CATSPERD: variants seen among roughly 807,000 people sequenced by gnomAD.
CATSPERD encodes cation channel sperm-associated auxiliary subunit delta.
A neutral mutation model predicts 98.1 loss-of-function variants in CATSPERD; 86 were observed. That is an observed-to-expected ratio of 0.88 (90% confidence interval 0.74 to 1.05). CATSPERD has a LOEUF of 1.05. Among genes scored for constraint, CATSPERD ranks in the 50% least tolerant of loss-of-function variants. CATSPERD has a pLI of 0.00. For missense variants in CATSPERD, 995 were observed against 1,005.7 expected, an observed-to-expected ratio of 0.99 and a Z score of 0.14; for synonymous variants, 394 against 390.2, an observed-to-expected ratio of 1.01 and a Z score of -0.12.
At chr19:5,742,165 T>C (rs995284554) in intron 7 of CATSPERD, among the ~76,000 whole-genome samples, 11 of 142,930 alleles carry the variant, frequency 7.7e-5, no homozygotes, top group African/African-American at 2.3e-4. Context: ...AACGTGTGTG[T>C]GCGTGTGTGT....
Position 5,734,945 on chromosome 19 carries a change from G to A in CATSPERD, c.391+975G>A, listed in dbSNP as rs1234660537. On this transcript the variant is annotated intron_variant, in intron 5 of 21. Coordinates refer to ENST00000381624, the MANE Select transcript of CATSPERD (RefSeq NM_152784.4). ...ATTGTCCCTCCCACACACTTCTCAC[G>A]AGGGCTAGGGGACGGTAGAGAAGGT... Among the ~76,000 whole-genome samples, 9 of 152,056 alleles carry A rather than the reference G, an allele frequency of 5.9e-5. 1 individual carries two copies. Among genetic ancestry groups the A allele is most frequent in the Admixed American group, 5.9e-4 (9 of 15,220 alleles).
chr19:5,765,279 T>C (rs901281211), intron 16 of CATSPERD, among the ~76,000 whole-genome samples: 12 of 152,148 alleles, frequency 7.9e-5, no homozygotes, highest in African/African-American at 2.7e-4. Flanking sequence ...TTAGACTCCA[T>C]TGTATAACTC....
intron 4 of CATSPERD, among the ~76,000 whole-genome samples, chr19:5,731,827 G>A (rs977365823): frequency 3.3e-5 from 5 of 150,322 alleles, no homozygotes; most frequent in Non-Finnish European, 5.9e-5. Flanking sequence ...CACCCGCCTC[G>A]GCCTCCCAAA....
chr19:5,758,745 A>C (rs1174482065), intron 14 of CATSPERD, among the ~76,000 whole-genome samples: 1 of 151,052 alleles, frequency 6.6e-6, no homozygotes, highest in Non-Finnish European at 1.5e-5. Flanking sequence ...TCAGTCTTAA[A>C]AAAAAAAGAG....
At chr19:5,759,866 AGGAGTT>A (rs1294490683) in intron 15 of CATSPERD, among the ~76,000 whole-genome samples, 4 of 151,940 alleles carry the variant, frequency 2.6e-5, no homozygotes, top group Non-Finnish European at 5.9e-5. Context: ...ACCTGAGGTC[AGGAGTT>A]CGAGACCAGC....
intron 21 of CATSPERD, 128 bp from the exon 22 acceptor site, chr19:5,778,248 T>G (rs1599607982): frequency 1.4e-6 from 1 of 703,440 alleles, no homozygotes. Flanking sequence ...GAAACAGAAG[T>G]GGGTATACCC....
At chr19:5,776,419 C>G in intron 21 of CATSPERD, 104 bp downstream of exon 21, 1 of 1,313,122 alleles carries the variant, frequency 7.6e-7, no homozygotes, top group Non-Finnish European at 1.1e-6. Flanking sequence ...CTGAATTCCC[C>G]CAACAGCCCA....
At chr19:5,748,136 T>C (rs2056130876) in intron 9 of CATSPERD, 24 bp from the exon 10 acceptor site, 2 of 1,598,612 alleles carry the variant, frequency 1.3e-6, no homozygotes, top group African/African-American at 2.7e-5. Context: ...CGGGGCCTCA[T>C]GCACCTGTCC....
chr19:5,760,626 G>A (rs1393073434), intron 15 of CATSPERD, among the ~76,000 whole-genome samples: 1 of 151,992 alleles, frequency 6.6e-6, no homozygotes, highest in Non-Finnish European at 1.5e-5. Flanking sequence ...TGAGGACCAA[G>A]TTTCAGTTGG....
At chr19:5,768,625 C>T (rs1029378121) in intron 18 of CATSPERD, among the ~76,000 whole-genome samples, 11 of 151,796 alleles carry the variant, frequency 7.2e-5, no homozygotes, top group South Asian at 2.1e-4. Flanking sequence ...CATGAGCCAC[C>T]GCGCCCGGCC....
intron 4 of CATSPERD, among the ~76,000 whole-genome samples, chr19:5,731,015 C>A (rs2055705498): frequency 1.3e-5 from 2 of 150,706 alleles, no homozygotes; most frequent in Non-Finnish European, 3.0e-5. Context: ...TGGCATGAAC[C>A]CAGGAGGCGG....
chr19:5,724,172 C>A (rs1178422360), intron 1 of CATSPERD, among the ~76,000 whole-genome samples: 1 of 151,904 alleles, frequency 6.6e-6, no homozygotes, highest in African/African-American at 2.4e-5. Flanking sequence ...CTGATCCACC[C>A]ACCTTGACCT....
intron 11 of CATSPERD, among the ~76,000 whole-genome samples, chr19:5,751,045 T>C (rs1377930650): frequency 2.1e-5 from 3 of 145,460 alleles, no homozygotes; most frequent in Non-Finnish European, 4.5e-5. Flanking sequence ...GAAACTCGTC[T>C]CTACTAAAAA....
chr19:5,767,089 G>A (rs912355435), intron 17 of CATSPERD, among the ~76,000 whole-genome samples: 23 of 151,182 alleles, frequency 1.5e-4, no homozygotes, highest in Non-Finnish European at 2.4e-4. Context: ...AGGCCGAGGC[G>A]GGTGGATCAC....
chr19:5,751,459 G>A (rs183021234), intron 11 of CATSPERD, among the ~76,000 whole-genome samples, 188 bp from the exon 12 acceptor site: 2,012 of 134,834 alleles, frequency 0.015, 21 homozygotes, highest in Non-Finnish European at 0.023. Context: ...GCGTGAACCC[G>A]GGAGGCGGAG....
intron 4 of CATSPERD, among the ~76,000 whole-genome samples, chr19:5,732,472 G>A (rs768725315): frequency 4.0e-5 from 6 of 149,724 alleles, no homozygotes; most frequent in African/African-American, 7.4e-5. Flanking sequence ...TCACTCTGTC[G>A]CCTAGGCTGG....
At chr19:5,748,085 T>G (rs1326533307) in intron 9 of CATSPERD, 75 bp from the exon 10 acceptor site, 1 of 1,230,848 alleles carries the variant, frequency 8.1e-7, no homozygotes, top group African/African-American at 1.5e-5. Context: ...CAGGGGTGGC[T>G]GTGGTCCCAG....
At chr19:5,729,825 C>T (rs1166862421) in intron 3 of CATSPERD, 47 bp from the exon 4 acceptor site, 15 of 1,194,366 alleles carry the variant, frequency 1.3e-5, no homozygotes, top group Admixed American at 1.0e-4. Flanking sequence ...TTTTTTCTTT[C>T]CTTGTGTGAC....
chr19:5,766,842 G>A (rs1202140262), intron 17 of CATSPERD, among the ~76,000 whole-genome samples: 3 of 151,422 alleles, frequency 2.0e-5, no homozygotes, highest in East Asian at 4.0e-4. Flanking sequence ...ACAGGCGCCC[G>A]CTACCATGCC....
Sources: gnomAD v4.1 joint callset for allele counts (sites outside exome capture counted in the v4.1 genomes callset) on GRCh38, gnomAD v4.1.1 for gene constraint, MANE v1.5 for transcripts, NCBI Gene and HGNC (gene_info 2026-07-23, HGNC 2026-07-21) for gene names.